OSBPL8: variants seen among roughly 807,000 people sequenced by gnomAD.
The protein encoded by OSBPL8 is oxysterol binding protein like 8.
Under a neutral mutation model 125.5 loss-of-function variants are expected in OSBPL8, and 59 were observed. The ratio of observed to expected loss-of-function variants is 0.47; its 90% CI spans 0.38 to 0.58. The LOEUF (loss-of-function observed/expected upper bound fraction) is 0.58, where lower values mean the gene tolerates loss of function less well. OSBPL8 is among the 20% of genes least tolerant of loss of function. The pLI, the probability that OSBPL8 is intolerant of heterozygous loss-of-function variation, is 0.00. For synonymous variants in OSBPL8, 330 were observed against 338.9 expected (o/e 0.97, Z 0.29); for missense variants, 758 against 1,047.8 (o/e 0.72, Z 3.82).
At chr12:76,497,294 TAGCATGAA>T (rs935570749) in intron 1 of OSBPL8, among the ~76,000 whole-genome samples, 26 of 152,208 alleles carry the variant, frequency 1.7e-4, no homozygotes, top group African/African-American at 6.3e-4. Context: ...TCTGATGTTG[TAGCATGAA>T]AGCAACCATA....
chr12:76,552,055 T>C (rs1382274137), intron 1 of OSBPL8, among the ~76,000 whole-genome samples: 2 of 152,014 alleles, frequency 1.3e-5, no homozygotes, highest in African/African-American at 4.8e-5. Context: ...AAAGAGAAGG[T>C]GAAGAAAGAA....
intron 2 of OSBPL8, among the ~76,000 whole-genome samples, chr12:76,463,438 A>G (rs1419927254): frequency 5.9e-5 from 9 of 152,204 alleles, no homozygotes; most frequent in African/African-American, 1.9e-4. Flanking sequence ...CATGTCAGAC[A>G]TTCATCCAAG....
chr12:76,434,204 A>T (rs960977455), intron 4 of OSBPL8, among the ~76,000 whole-genome samples: 2 of 152,162 alleles, frequency 1.3e-5, no homozygotes, highest in African/African-American at 4.8e-5. Context: ...AAGCCCACAC[A>T]TTATGGTCAA....
chr12:76,409,749 A>G (rs966305127), intron 5 of OSBPL8, among the ~76,000 whole-genome samples: 1 of 152,256 alleles, frequency 6.6e-6, no homozygotes, highest in Non-Finnish European at 1.5e-5. Flanking sequence ...AAAATCATAC[A>G]TAAAAACATA....
chr12:76,390,156 A>G, intron 11 of OSBPL8: 1 of 431,492 alleles, frequency 2.3e-6, no homozygotes, highest in Non-Finnish European at 4.1e-6. Flanking sequence ...GCACCTGGCA[A>G]TGACATCAAG....
chr12:76,546,982 C>T (rs1325256440), intron 1 of OSBPL8, among the ~76,000 whole-genome samples: 1 of 152,192 alleles, frequency 6.6e-6, no homozygotes, highest in Non-Finnish European at 1.5e-5. Context: ...CTTATATAAT[C>T]AGGCCAAATT....
chr12:76,393,008 T>C (rs771156576), intron 9 of OSBPL8, among the ~76,000 whole-genome samples: 20 of 152,218 alleles, frequency 1.3e-4, no homozygotes, highest in Admixed American at 1.3e-3. Flanking sequence ...ACATACTTTA[T>C]TTTTCAAATC....
intron 12 of OSBPL8, among the ~76,000 whole-genome samples, chr12:76,387,609 T>C (rs1251877913): frequency 1.3e-5 from 2 of 152,176 alleles, no homozygotes; most frequent in African/African-American, 4.8e-5. Context: ...TTTCTGTTTG[T>C]AATGTAGCTA....
At chr12:76,476,115 T>C (rs1876776129) in intron 2 of OSBPL8, among the ~76,000 whole-genome samples, 1 of 152,026 alleles carries the variant, frequency 6.6e-6, no homozygotes, top group Admixed American at 6.6e-5. Context: ...ACTGGGGAAA[T>C]GAGGTGGAAG....
At chr12:76,511,106 T>A (rs564540456) in intron 1 of OSBPL8, among the ~76,000 whole-genome samples, 2 of 152,316 alleles carry the variant, frequency 1.3e-5, no homozygotes, top group African/African-American at 4.8e-5. Context: ...AAATCCAGAC[T>A]TCTGAGGGTG....
At chr12:76,434,654 A>C (rs1871237141) in intron 4 of OSBPL8, among the ~76,000 whole-genome samples, 1 of 152,212 alleles carries the variant, frequency 6.6e-6, no homozygotes, top group South Asian at 2.1e-4. Flanking sequence ...AATAACAAAA[A>C]TTTAAAAAAT....
intron 5 of OSBPL8, among the ~76,000 whole-genome samples, chr12:76,405,218 G>A (rs1227774575): frequency 6.6e-6 from 1 of 152,122 alleles, no homozygotes; most frequent in African/African-American, 2.4e-5. Flanking sequence ...CAGCACTTTG[G>A]GAGGCTAAGG....
chr12:76,407,776 C>A (rs966463991), intron 5 of OSBPL8, among the ~76,000 whole-genome samples: 8 of 152,004 alleles, frequency 5.3e-5, no homozygotes, highest in Non-Finnish European at 7.4e-5. Flanking sequence ...TACTGTTAAC[C>A]AGCTTCTTTG....
At chr12:76,516,435 T>C (rs1881538722) in intron 1 of OSBPL8, among the ~76,000 whole-genome samples, 1 of 152,226 alleles carries the variant, frequency 6.6e-6, no homozygotes, top group Non-Finnish European at 1.5e-5. Flanking sequence ...CTTCCTCGTA[T>C]TATAAGTATT....
intron 2 of OSBPL8, among the ~76,000 whole-genome samples, chr12:76,472,226 TC>T (rs755692171): frequency 2.0e-5 from 3 of 152,220 alleles, no homozygotes; most frequent in Non-Finnish European, 2.9e-5. Flanking sequence ...CATCTTAACA[TC>T]ATTTTTAAGA....
Position 76,482,389 on chromosome 12 carries a change from G to A in OSBPL8, c.42+5121C>T, listed in dbSNP as rs184865056. Among the ~76,000 whole-genome samples, 11 of 152,280 alleles carry A rather than the reference G, an allele frequency of 7.2e-5. No individual in the cohort carries two copies. In the East Asian group the frequency reaches 1.4e-3, roughly 19 times the overall value. On this transcript the variant is annotated intron_variant, in intron 2 of 23. Coordinates refer to ENST00000261183, the MANE Select transcript of OSBPL8 (RefSeq NM_020841.5). ...AACACTTTGGGAGGCTAAGGCGGGC[G>A]GATCACTTGAGGTCGGGAGTTCGAG...
intron 21 of OSBPL8, among the ~76,000 whole-genome samples, chr12:76,368,461 C>T (rs1382091987): frequency 6.6e-6 from 1 of 151,412 alleles, no homozygotes; most frequent in Non-Finnish European, 1.5e-5. Flanking sequence ...ATTGGGGGGT[C>T]TTCTTTCCTT....
chr12:76,539,419 G>C (rs1231797295), intron 1 of OSBPL8, among the ~76,000 whole-genome samples: 1 of 152,076 alleles, frequency 6.6e-6, no homozygotes, highest in Non-Finnish European at 1.5e-5. Context: ...TTAAGAATAA[G>C]AGTGTACAAA....
At chr12:76,446,220 A>C (rs879352239) in intron 4 of OSBPL8, among the ~76,000 whole-genome samples, 1 of 152,164 alleles carries the variant, frequency 6.6e-6, no homozygotes, top group Non-Finnish European at 1.5e-5. Context: ...AGAAGCTAAA[A>C]TGCTGATCAT....
Sources: allele counts gnomAD v4.1 joint callset (sites outside exome capture counted in the v4.1 genomes callset), GRCh38; gene constraint gnomAD v4.1.1; transcripts MANE v1.5; gene names NCBI Gene and HGNC (gene_info 2026-07-23, HGNC 2026-07-21).